Variants in CSE1L observed in about 807,000 individuals in gnomAD.
CSE1L encodes exportin-2.
A neutral mutation model predicts 120.4 loss-of-function variants in CSE1L; 24 were observed. The ratio of observed to expected loss-of-function variants is 0.20; its 90% CI spans 0.14 to 0.28. CSE1L has a LOEUF of 0.28. CSE1L is among the 10% of genes least tolerant of loss of function. The pLI, the probability that CSE1L is intolerant of heterozygous loss-of-function variation, is 1.00. For synonymous variants in CSE1L, 402 were observed against 398.3 expected (o/e 1.01, Z -0.11); for missense variants, 830 against 1,145.2 (o/e 0.72, Z 3.97).
intron 21 of CSE1L, 127 bp from the exon 22 acceptor site, chr20:49,091,918 GA>G (rs1358870764): frequency 3.2e-6 from 2 of 629,670 alleles, no homozygotes; most frequent in East Asian, 3.0e-5. Flanking sequence ...CTATTTACTA[GA>G]AGGCAGGTAT....
intron 1 of CSE1L, among the ~76,000 whole-genome samples, chr20:49,046,706 C>G (rs1414409975): frequency 6.6e-6 from 1 of 152,260 alleles, no homozygotes; most frequent in Non-Finnish European, 1.5e-5. Flanking sequence ...TAACGCGAGC[C>G]TGCGGATTGC....
At chr20:49,054,486 A>ACCTACGGAGGGTACCCGTAGGTACC (rs2091791543) in intron 1 of CSE1L, among the ~76,000 whole-genome samples, 1 of 152,188 alleles carries the variant, frequency 6.6e-6, no homozygotes, top group Non-Finnish European at 1.5e-5. Flanking sequence ...TGGGTAATAG[A>ACCTACGGAGGGTACCCGTAGGTACC]AAGAGGGTAG....
At chr20:49,080,018 G>C (rs1452375942) in intron 14 of CSE1L, among the ~76,000 whole-genome samples, 1 of 152,134 alleles carries the variant, frequency 6.6e-6, no homozygotes, top group East Asian at 1.9e-4. Flanking sequence ...AGGTTGCAGT[G>C]AGCCAAGATC....
chr20:49,063,124 T>A (rs1236968832), intron 2 of CSE1L, 78 bp from the exon 3 acceptor site: 3 of 739,242 alleles, frequency 4.1e-6, no homozygotes, highest in Admixed American at 4.3e-5. Context: ...TTTGATTTTT[T>A]TTTATATATA....
At chr20:49,047,138 G>A (rs960797980) in intron 1 of CSE1L, among the ~76,000 whole-genome samples, 7 of 152,124 alleles carry the variant, frequency 4.6e-5, no homozygotes, top group Non-Finnish European at 7.4e-5. Context: ...CATAGACTTT[G>A]GAATTAGATC....
intron 3 of CSE1L, among the ~76,000 whole-genome samples, 197 bp downstream of exon 3, chr20:49,063,541 G>A (rs2091868495): frequency 6.6e-6 from 1 of 152,154 alleles, no homozygotes; most frequent in South Asian, 2.1e-4. Flanking sequence ...TTTAGTGACA[G>A]AATGAGACCT....
At chr20:49,056,571 T>G (rs2091808941) in intron 1 of CSE1L, among the ~76,000 whole-genome samples, 1 of 152,152 alleles carries the variant, frequency 6.6e-6, no homozygotes, top group Non-Finnish European at 1.5e-5. Context: ...GCACCTAATT[T>G]TATCGTCTCA....
At chr20:49,057,935 A>AT (rs2091821978) in intron 1 of CSE1L, among the ~76,000 whole-genome samples, 1 of 151,860 alleles carries the variant, frequency 6.6e-6, no homozygotes, top group African/African-American at 2.4e-5. Context: ...CCCGGCTTCA[A>AT]TTTTTTTGTA....
chr20:49,088,250 T>C (rs1015719548), intron 17 of CSE1L, 144 bp downstream of exon 17: 5 of 647,220 alleles, frequency 7.7e-6, no homozygotes, highest in South Asian at 1.8e-5. Flanking sequence ...TTTCTGAAAG[T>C]GTGGGCATGC....
Position 49,094,894 on chromosome 20 carries a change from A to T in CSE1L, c.2757A>T (p.Gln919His), listed in dbSNP as rs370382903. 1 of 1,614,054 alleles carries T rather than the reference A, an allele frequency of 6.2e-7. No homozygotes were observed. The highest frequency in any genetic ancestry group is 8.5e-7 in the Non-Finnish European group (1 of 1,180,038). The change falls in exon 24 of 25, where the codon CAA becomes CAT. Residue 919 changes from glutamine (Q) to histidine (H), a missense_variant. Physicochemically the swap from Gln to His is conservative, Grantham distance 24. Around this residue, in one of 4 missense-constraint regions of CSE1L, gnomAD observed 112 missense variants for 200.0 expected, o/e 0.56. Coordinates refer to ENST00000262982, the MANE Select transcript of CSE1L (RefSeq NM_001316.4). ...AGKKEHDPVG[Q>H]MVNNPKIHLA... ...AAAAAGAGCATGATCCTGTAGGTCA[A>T]ATGGTGAATAACCCCAAAATTCACC...
At position 49,077,072 on chromosome 20, in the gene CSE1L, G is replaced by T. The variant is rs1380854999; in HGVS notation, c.1420+8G>T. 1 of 1,582,356 alleles carries T rather than the reference G, an allele frequency of 6.3e-7. No homozygotes were observed. Among genetic ancestry groups the T allele is most frequent in the Non-Finnish European group, 8.6e-7 (1 of 1,162,598 alleles). ...ATTTAAAATCAGCTAATGGTGAGTT[G>T]TGAAATTCTTGCTTTTTTTACAGCT... On this transcript the variant is annotated splice_region_variant and intron_variant, in intron 13 of 24. Coordinates refer to ENST00000262982, the MANE Select transcript of CSE1L (RefSeq NM_001316.4).
intron 13 of CSE1L, 65 bp downstream of exon 13, chr20:49,077,129 T>G: frequency 1.1e-6 from 1 of 881,622 alleles, no homozygotes; most frequent in Non-Finnish European, 1.8e-6. Context: ...AAAAAACAGC[T>G]TCCTATCCTT....
intron 14 of CSE1L, 57 bp from the exon 15 acceptor site, chr20:49,083,969 T>C: frequency 6.6e-7 from 1 of 1,526,690 alleles, no homozygotes; most frequent in Non-Finnish European, 9.0e-7. Flanking sequence ...TCCAATTGTC[T>C]TTTACTCAAA....
chr20:49,063,180 T>G (rs1457245349), intron 2 of CSE1L, 22 bp from the exon 3 acceptor site: 2 of 1,509,630 alleles, frequency 1.3e-6, no homozygotes, highest in Admixed American at 2.2e-5. Context: ...CTTAGTCTTT[T>G]AACATGAAAA....
At chr20:49,079,894 A>G (rs1391681868) in intron 14 of CSE1L, among the ~76,000 whole-genome samples, 2 of 152,174 alleles carry the variant, frequency 1.3e-5, no homozygotes, top group African/African-American at 4.8e-5. Flanking sequence ...ACCTTGGCCA[A>G]CATGACGAAA....
chr20:49,086,690 C>G (rs1247350063), intron 16 of CSE1L, among the ~76,000 whole-genome samples: 1 of 152,022 alleles, frequency 6.6e-6, no homozygotes, highest in Non-Finnish European at 1.5e-5. Flanking sequence ...ATGAGAGCGG[C>G]TAACTAGTCT....
At chr20:49,092,155 GGAA>G in intron 22 of CSE1L, 28 bp downstream of exon 22, 1 of 1,340,534 alleles carries the variant, frequency 7.5e-7, no homozygotes, top group South Asian at 1.3e-5. Flanking sequence ...ATTTTTTAAA[GGAA>G]GAAAATGTTT....
chr20:49,079,737 T>TA (rs1417463750), intron 14 of CSE1L, among the ~76,000 whole-genome samples: 2 of 152,060 alleles, frequency 1.3e-5, no homozygotes, highest in Non-Finnish European at 2.9e-5. Flanking sequence ...GCCTTCCACA[T>TA]ACAGATTTTA....
chr20:49,072,184 G>C, intron 8 of CSE1L, 102 bp from the exon 9 acceptor site: 1 of 1,232,498 alleles, frequency 8.1e-7, no homozygotes, highest in Non-Finnish European at 1.1e-6. Flanking sequence ...ATTTGATTTG[G>C]ATTTAATTGA....
Sources: allele counts gnomAD v4.1 joint callset (sites outside exome capture counted in the v4.1 genomes callset), GRCh38; gene constraint gnomAD v4.1.1; regional missense constraint gnomAD v4.1.1; transcripts MANE v1.5; gene names NCBI Gene and HGNC (gene_info 2026-07-23, HGNC 2026-07-21).